The following INSC variants were observed in gnomAD, a reference collection of about 807,000 sequenced individuals.
INSC encodes the protein protein inscuteable homolog.
Under a neutral mutation model 58.6 loss-of-function variants are expected in INSC, and 67 were observed. That is an observed-to-expected ratio of 1.14 (90% CI 0.94 to 1.40). The LOEUF (loss-of-function observed/expected upper bound fraction) is 1.40. Ranked by LOEUF, INSC falls within the 40% of genes most tolerant of loss-of-function variation. INSC has a pLI of 0.00. For missense variants in INSC, 714 were observed against 692.0 expected (o/e 1.03, Z -0.36); for synonymous variants, 262 against 276.1 (o/e 0.95, Z 0.51).
downstream of INSC, among the ~76,000 whole-genome samples, chr11:15,247,756 T>TATATATATATATATATATATATATA (rs1473234183): frequency 5.1e-4 from 75 of 148,344 alleles, no homozygotes; most frequent in Non-Finnish European, 6.3e-4. Context: ...TATATATATA[T>TATATATATATATATATATATATATA]TTCACTGAGT....
chr11:15,179,507 G>A (rs1422195300), intron 5 of INSC, among the ~76,000 whole-genome samples: 1 of 152,198 alleles, frequency 6.6e-6, no homozygotes, highest in Non-Finnish European at 1.5e-5. Context: ...TGTTTGGTTG[G>A]TTTGGTGCAG....
At chr11:15,266,547 G>C in the INSC span, among the ~76,000 whole-genome samples, 15 of 152,064 alleles carry the variant, frequency 9.9e-5, no homozygotes, top group East Asian at 9.7e-4. Flanking sequence ...TATATACCTT[G>C]GCTACTATAG....
At chr11:15,236,043 G>A (rs541246047) in intron 10 of INSC, among the ~76,000 whole-genome samples, 13 of 124,414 alleles carry the variant, frequency 1.0e-4, no homozygotes, top group African/African-American at 3.2e-4. Flanking sequence ...GCAACAGAGC[G>A]AGACTCTGTC....
intron 6 of INSC, among the ~76,000 whole-genome samples, chr11:15,193,311 T>C (rs1034270317): frequency 2.6e-5 from 4 of 152,274 alleles, no homozygotes; most frequent in Non-Finnish European, 5.9e-5. Flanking sequence ...ATTATTATTA[T>C]ACTTTAAGTT....
intron 2 of INSC, among the ~76,000 whole-genome samples, chr11:15,167,525 A>G (rs1564880541): frequency 6.6e-6 from 1 of 152,086 alleles, no homozygotes; most frequent in Non-Finnish European, 1.5e-5. Context: ...CAGTGGCACC[A>G]TAATAGCTCA....
chr11:15,135,378 C>G (rs755415339), intron 1 of INSC, among the ~76,000 whole-genome samples: 1 of 152,190 alleles, frequency 6.6e-6, no homozygotes, highest in Non-Finnish European at 1.5e-5. Flanking sequence ...GCCCATGTAC[C>G]TTATACCCCC....
intron 9 of INSC, among the ~76,000 whole-genome samples, chr11:15,230,704 T>C (rs1851893611): frequency 6.6e-6 from 1 of 152,242 alleles, no homozygotes; most frequent in Admixed American, 6.5e-5. Context: ...GAATATGGTC[T>C]GACTTTTATA....
intron 1 of INSC, among the ~76,000 whole-genome samples, chr11:15,139,702 A>G (rs1329546080): frequency 6.6e-6 from 1 of 152,238 alleles, no homozygotes; most frequent in Non-Finnish European, 1.5e-5. Context: ...GCTCAAGGTC[A>G]CACAGCTATT....
intron 5 of INSC, among the ~76,000 whole-genome samples, chr11:15,183,237 G>A (rs888219025): frequency 1.3e-5 from 2 of 151,386 alleles, no homozygotes; most frequent in African/African-American, 4.9e-5. Context: ...TGTAATCCCA[G>A]CTATTTGGGA....
intron 6 of INSC, among the ~76,000 whole-genome samples, chr11:15,194,212 C>T (rs1850286860): frequency 6.6e-6 from 1 of 152,160 alleles, no homozygotes; most frequent in African/African-American, 2.4e-5. Context: ...TGTTTTTAGT[C>T]TCCTTTTTCA....
At chr11:15,171,830 C>A (rs531733465) in intron 2 of INSC, among the ~76,000 whole-genome samples, 23 of 152,314 alleles carry the variant, frequency 1.5e-4, no homozygotes, top group Non-Finnish European at 2.4e-4. Flanking sequence ...GTCCCATGTA[C>A]AATAATCCCT....
At chr11:15,253,382 G>T in the INSC span, among the ~76,000 whole-genome samples, 2 of 152,078 alleles carry the variant, frequency 1.3e-5, no homozygotes, top group Non-Finnish European at 2.9e-5. Context: ...ATAAGCTTCC[G>T]ACGTAAGATC....
At chr11:15,135,169 T>C (rs1848214684) in intron 1 of INSC, among the ~76,000 whole-genome samples, 1 of 152,090 alleles carries the variant, frequency 6.6e-6, no homozygotes, top group African/African-American at 2.4e-5. Context: ...ATGCATAGAA[T>C]TGTGGAAGTG....
intron 8 of INSC, among the ~76,000 whole-genome samples, chr11:15,223,007 C>T (rs964868744): frequency 2.6e-5 from 4 of 152,158 alleles, no homozygotes; most frequent in Non-Finnish European, 5.9e-5. Context: ...TCATATTCAA[C>T]ATTCACCAGA....
intron 5 of INSC, among the ~76,000 whole-genome samples, chr11:15,182,881 C>T (rs1023807126): frequency 2.0e-5 from 3 of 152,140 alleles, no homozygotes; most frequent in African/African-American, 7.2e-5. Flanking sequence ...AAAAGGCATA[C>T]TCTTCATCCA....
At chr11:15,233,748 T>TCCTC (rs1292407467) in intron 9 of INSC, among the ~76,000 whole-genome samples, 1 of 151,982 alleles carries the variant, frequency 6.6e-6, no homozygotes, top group Non-Finnish European at 1.5e-5. Flanking sequence ...CTTCCTTCCT[T>TCCTC]CCTCCATGAA....
At chr11:15,213,060 G>A (rs1456407646) in intron 7 of INSC, among the ~76,000 whole-genome samples, 1 of 152,132 alleles carries the variant, frequency 6.6e-6, no homozygotes, top group African/African-American at 2.4e-5. Flanking sequence ...CGCTGTGAAG[G>A]TTGTGCAACT....
At chr11:15,169,211 C>A (rs1849306821) in intron 2 of INSC, among the ~76,000 whole-genome samples, 1 of 152,064 alleles carries the variant, frequency 6.6e-6, no homozygotes, top group Non-Finnish European at 1.5e-5. Flanking sequence ...CCCGATGTAG[C>A]TAGGCATTGA....
Position 15,175,922 on chromosome 11 carries a change from C to A in INSC, c.238C>A (p.Arg80=), listed in dbSNP as rs200404487. ...AGACCCCCTGCAGCTGCTGCTCAAA[C>A]GGGGTTGGGTCATTAGCACAGAGCT... ...PGDPLQLLLK[R]GWVISTELRR... The change falls in exon 3 of 13, where the codon CGG becomes AGG. Residue 80 remains arginine, a synonymous_variant. Coordinates refer to ENST00000379556, the MANE Select transcript of INSC (RefSeq NM_001042536.3). 22 of 1,614,136 alleles carry A rather than the reference C, an allele frequency of 1.4e-5. No homozygotes were observed. The South Asian group carries it at 2.4e-4, about 18-fold the overall frequency.
Sources: allele counts gnomAD v4.1 joint callset (sites outside exome capture counted in the v4.1 genomes callset), GRCh38; gene constraint gnomAD v4.1.1; transcripts MANE v1.5; gene names NCBI Gene and HGNC (gene_info 2026-07-23, HGNC 2026-07-21).